The following NCOA2 variants were observed in gnomAD, a reference collection of about 807,000 sequenced individuals.
NCOA2 encodes the protein class E basic helix-loop-helix protein 75.
Under a neutral mutation model 145.1 loss-of-function variants are expected in NCOA2, and 21 were observed. That is an observed-to-expected ratio of 0.14 (90% confidence interval 0.10 to 0.21). The LOEUF is 0.21. Ranked by LOEUF, NCOA2 falls within the 10% of genes least tolerant of loss-of-function variation. NCOA2 has a pLI of 1.00. For missense variants in NCOA2, 1,472 were observed against 1,837.6 expected (o/e 0.80, Z 3.64); for synonymous variants, 619 against 637.5 (o/e 0.97, Z 0.44).
At chr8:70,127,156 T>G (rs759596382) in intron 18 of NCOA2, 109 bp from the exon 19 acceptor site, 1 of 752,544 alleles carries the variant, frequency 1.3e-6, no homozygotes, top group Non-Finnish European at 2.2e-6. Flanking sequence ...TCTGTAAAAT[T>G]ATTTGGAAAA....
At chr8:70,126,770 G>C in intron 19 of NCOA2, 43 bp downstream of exon 19, 2 of 1,523,492 alleles carry the variant, frequency 1.3e-6, no homozygotes, top group South Asian at 2.3e-5. Context: ...GGACACTGGG[G>C]AGAAAGGACT....
At chr8:70,227,066 C>T (rs1820713645) in intron 2 of NCOA2, among the ~76,000 whole-genome samples, 1 of 152,206 alleles carries the variant, frequency 6.6e-6, no homozygotes, top group African/African-American at 2.4e-5. Context: ...TCAGCTGCCT[C>T]TTTCCCAGGA....
At chr8:70,172,268 T>C (rs1320130677) in intron 5 of NCOA2, among the ~76,000 whole-genome samples, 1 of 152,204 alleles carries the variant, frequency 6.6e-6, no homozygotes, top group Non-Finnish European at 1.5e-5. Flanking sequence ...GCAAGTTTAT[T>C]ACTATTTTTA....
rs190975839 is a variant in NCOA2 at position 70,398,319 on chromosome 8, C to T, written c.-77+5381G>A. Among the ~76,000 whole-genome samples the T allele has an allele frequency of 1.8e-4, 28 of 152,162 alleles. No homozygotes were observed. The East Asian group carries it at 4.6e-3, about 25-fold the overall frequency. ...CAAAAAATATCAAAAATTAGCTAGGCGTGGAGACACACACCTGTAGTCCCA... is the reference window on the plus strand; with the variant it reads ...CAAAAAATATCAAAAATTAGCTAGGTGTGGAGACACACACCTGTAGTCCCA... On this transcript the variant is annotated intron_variant, in intron 1 of 22. Coordinates refer to ENST00000452400, the MANE Select transcript of NCOA2 (RefSeq NM_006540.4).
At chr8:70,310,261 T>A (rs1226403771) in intron 1 of NCOA2, among the ~76,000 whole-genome samples, 1 of 150,204 alleles carries the variant, frequency 6.7e-6, no homozygotes, top group Non-Finnish European at 1.5e-5. Context: ...CAAGAATTGC[T>A]TGAATCTAGG....
intron 1 of NCOA2, among the ~76,000 whole-genome samples, chr8:70,395,322 C>T (rs1813554034): frequency 6.6e-6 from 1 of 152,162 alleles, no homozygotes; most frequent in African/African-American, 2.4e-5. Context: ...ATGCCAGGCA[C>T]ACCCTATGCT....
intron 1 of NCOA2, among the ~76,000 whole-genome samples, chr8:70,322,630 C>T (rs2136182981): frequency 6.6e-6 from 1 of 152,214 alleles, no homozygotes; most frequent in Admixed American, 6.5e-5. Flanking sequence ...CTGCCTTTAC[C>T]ATACGTGTGA....
chr8:70,405,437 G>GTTTTTTTTTTTTTATTTTTT (rs1814726616), upstream of NCOA2, among the ~76,000 whole-genome samples: 1 of 59,364 alleles, frequency 1.7e-5, no homozygotes, highest in Non-Finnish European at 2.7e-5. Flanking sequence ...ATTTTTAAAG[G>GTTTTTTTTTTTTTATTTTTT]TTTTTTTTTT....
At chr8:70,305,481 G>C (rs1827816154) in intron 1 of NCOA2, among the ~76,000 whole-genome samples, 1 of 152,114 alleles carries the variant, frequency 6.6e-6, no homozygotes, top group Non-Finnish European at 1.5e-5. Flanking sequence ...TCCTTAAAAA[G>C]GAAGACAGTA....
Position 70,113,760 on chromosome 8 carries a change from A to C in NCOA2, c.4384-117T>G. 3 of 986,362 alleles carry C rather than the reference A, an allele frequency of 3.0e-6. No individual in the cohort carries two copies. In the South Asian group the frequency reaches 4.2e-5, roughly 14 times the overall value. The allele number at this position is 986,362 out of a possible 1,614,324, so 61.1% of individuals were successfully genotyped here. Reference sequence around the variant, plus strand: ...CTGTTTTCAATAAAGCAAATCACAGAGGCCGCATCTGGATGAGTACATTCG... The same window carrying C: ...CTGTTTTCAATAAAGCAAATCACAGCGGCCGCATCTGGATGAGTACATTCG... On this transcript the variant is annotated intron_variant, in intron 22 of 22. Coordinates refer to ENST00000452400, the MANE Select transcript of NCOA2 (RefSeq NM_006540.4).
At chr8:70,261,144 C>T (rs1281988448) in intron 2 of NCOA2, among the ~76,000 whole-genome samples, 2 of 152,148 alleles carry the variant, frequency 1.3e-5, no homozygotes, top group Admixed American at 6.5e-5. Context: ...TATAAAGACA[C>T]ATGTACACAT....
chr8:70,452,074 A>G, the NCOA2 span, among the ~76,000 whole-genome samples: 2 of 152,146 alleles, frequency 1.3e-5, no homozygotes, highest in Non-Finnish European at 2.9e-5. Flanking sequence ...TCCCAGGCTC[A>G]GGTGATCCTC....
chr8:70,247,360 CAATTCAGAATTTTTAAGATAATGTTTT>C lies in NCOA2; in HGVS notation c.-19-30623_-19-30597del, dbSNP rs904525539. The stretch of plus-strand genomic sequence containing the variant: ...CTCATAATGAAAACACAAAAAAGCA[CAATTCAGAATTTTTAAGATAATGTTTT>C]AATTGCTAAAGAACCTTTAAAAGTT... On this transcript the variant is annotated intron_variant, in intron 2 of 22. Transcript: ENST00000452400. Among the ~76,000 whole-genome samples the C allele has an allele frequency of 3.3e-5, 5 of 152,108 alleles. 1 individual carries two copies. Among genetic ancestry groups the C allele is most frequent in the Admixed American group, 3.3e-4 (5 of 15,260 alleles).
intron 2 of NCOA2, among the ~76,000 whole-genome samples, chr8:70,225,186 A>C (rs1820509514): frequency 6.6e-6 from 1 of 152,176 alleles, no homozygotes; most frequent in Non-Finnish European, 1.5e-5. Flanking sequence ...ACAGGAAAGT[A>C]GGGAGAGGGT....
At chr8:70,269,039 G>C (rs931019212) in intron 2 of NCOA2, among the ~76,000 whole-genome samples, 1 of 152,030 alleles carries the variant, frequency 6.6e-6, no homozygotes, top group African/African-American at 2.4e-5. Context: ...AAAAGTGAAG[G>C]GGGGGAGGAC....
chr8:70,439,878 G>A, the NCOA2 span, among the ~76,000 whole-genome samples: 21,337 of 152,124 alleles, frequency 0.14, 2,077 homozygotes, highest in Admixed American at 0.31. Context: ...TCGCCAACCC[G>A]TCTCCACCTA....
At chr8:70,343,294 T>C (rs1808310731) in intron 1 of NCOA2, among the ~76,000 whole-genome samples, 1 of 152,140 alleles carries the variant, frequency 6.6e-6, no homozygotes, top group African/African-American at 2.4e-5. Flanking sequence ...CTGTCATACA[T>C]AATATCCTTC....
the NCOA2 span, among the ~76,000 whole-genome samples, chr8:70,452,450 T>C: frequency 7.2e-5 from 11 of 152,310 alleles, no homozygotes; most frequent in African/African-American, 2.4e-4. Flanking sequence ...AGACTGGGCA[T>C]AGTGGCTCCT....
intron 2 of NCOA2, among the ~76,000 whole-genome samples, chr8:70,293,957 A>G (rs981565083): frequency 6.6e-6 from 1 of 152,142 alleles, no homozygotes; most frequent in Admixed American, 6.5e-5. Context: ...ACTCTTTTGG[A>G]AAGTCTAAGG....
Sources: gnomAD v4.1 joint callset for allele counts (sites outside exome capture counted in the v4.1 genomes callset) on GRCh38, gnomAD v4.1.1 for gene constraint, MANE v1.5 for transcripts, NCBI Gene and HGNC (gene_info 2026-07-23, HGNC 2026-07-21) for gene names.